Variants in NR3C1 observed in about 807,000 individuals in gnomAD.
The protein encoded by NR3C1 is glucocorticoid receptor.
NR3C1 carries 14 observed loss-of-function variants against 74.0 expected under a neutral mutation model. The observed-to-expected ratio is 0.19, with a 90% CI of 0.12 to 0.30. NR3C1 has a LOEUF of 0.30. NR3C1 is among the 10% of genes least tolerant of loss of function. NR3C1 has a pLI of 1.00. For missense variants in NR3C1, 695 were observed against 909.8 expected (o/e 0.76, Z 3.04); for synonymous variants, 308 against 332.5 (o/e 0.93, Z 0.80).
chr5:143,321,855 G>A (rs920339185), intron 2 of NR3C1, among the ~76,000 whole-genome samples: 1 of 152,206 alleles, frequency 6.6e-6, no homozygotes, highest in Admixed American at 6.5e-5. Flanking sequence ...ACTTTGCACA[G>A]ATGATCCTAT....
intron 2 of NR3C1, among the ~76,000 whole-genome samples, chr5:143,319,952 C>T (rs1487926645): frequency 1.3e-5 from 2 of 152,318 alleles, no homozygotes; most frequent in East Asian, 1.9e-4. Flanking sequence ...ATGGACTATA[C>T]GGCTTAGTTA....
At chr5:143,401,293 C>T (rs1379676728) in intron 1 of NR3C1, 2 of 225,382 alleles carry the variant, frequency 8.9e-6, no homozygotes, top group African/African-American at 4.6e-5. Flanking sequence ...TTTCTGAGAA[C>T]CAATACATAT....
chr5:143,388,278 C>T (rs911724422), intron 2 of NR3C1, among the ~76,000 whole-genome samples: 1 of 152,142 alleles, frequency 6.6e-6, no homozygotes, highest in African/African-American at 2.4e-5. Context: ...AGTCTTAAGG[C>T]TTATTTCTAT....
intron 2 of NR3C1, among the ~76,000 whole-genome samples, chr5:143,359,890 C>T (rs1448592305): frequency 6.6e-6 from 1 of 152,090 alleles, no homozygotes; most frequent in African/African-American, 2.4e-5. Flanking sequence ...TGCACCATAG[C>T]CTGGGCCACA....
chr5:143,347,577 G>C (rs1829531478), intron 2 of NR3C1, among the ~76,000 whole-genome samples: 1 of 152,156 alleles, frequency 6.6e-6, no homozygotes, highest in African/African-American at 2.4e-5. Flanking sequence ...TATAGAACTG[G>C]AGATTGCCAA....
At chr5:143,378,478 C>T (rs548289696) in intron 2 of NR3C1, among the ~76,000 whole-genome samples, 8 of 152,194 alleles carry the variant, frequency 5.3e-5, no homozygotes, top group Admixed American at 2.0e-4. Context: ...AGCTATGGTG[C>T]GGAAAAATTC....
intron 7 of NR3C1, among the ~76,000 whole-genome samples, chr5:143,284,226 A>G (rs1478218747): frequency 6.6e-6 from 1 of 152,066 alleles, no homozygotes; most frequent in Non-Finnish European, 1.5e-5. Flanking sequence ...GATTTCAGGC[A>G]GTAAGTCACC....
intron 4 of NR3C1, among the ~76,000 whole-genome samples, chr5:143,309,845 T>C (rs184592074): frequency 1.3e-5 from 2 of 152,328 alleles, no homozygotes; most frequent in African/African-American, 4.8e-5. Flanking sequence ...TTACATAATT[T>C]CCTTTCTTTG....
At chr5:143,352,524 T>C (rs1830418490) in intron 2 of NR3C1, among the ~76,000 whole-genome samples, 1 of 152,076 alleles carries the variant, frequency 6.6e-6, no homozygotes, top group Non-Finnish European at 1.5e-5. Context: ...ATATGCTGGG[T>C]TTTTTACTTG....
intron 1 of NR3C1, among the ~76,000 whole-genome samples, chr5:143,429,177 T>C (rs1298894735): frequency 6.6e-6 from 1 of 152,190 alleles, no homozygotes; most frequent in Admixed American, 6.5e-5. Flanking sequence ...TCCTCACTTA[T>C]GGTAAGTGCT....
chr5:143,317,678 C>A (rs1054181551), intron 2 of NR3C1, among the ~76,000 whole-genome samples: 6 of 152,108 alleles, frequency 3.9e-5, no homozygotes, highest in African/African-American at 1.4e-4. Context: ...GCAAGCAAAG[C>A]AATTGCTACA....
intron 2 of NR3C1, chr5:143,389,851 G>A (rs903882347): frequency 2.0e-5 from 13 of 636,236 alleles, no homozygotes; most frequent in Non-Finnish European, 2.5e-5. Flanking sequence ...GCAGTGCAGA[G>A]AAAACCTGTT....
At chr5:143,289,029 G>T (rs1599693229) in intron 7 of NR3C1, among the ~76,000 whole-genome samples, 1 of 143,634 alleles carries the variant, frequency 7.0e-6, no homozygotes, top group East Asian at 2.1e-4. Flanking sequence ...CCAAGATCAT[G>T]CCACTGCACT....
intron 2 of NR3C1, among the ~76,000 whole-genome samples, chr5:143,320,547 G>T (rs1181241470): frequency 6.6e-6 from 1 of 152,158 alleles, no homozygotes; most frequent in Admixed American, 6.5e-5. Flanking sequence ...GTAAAACGAA[G>T]GTCTTGATTT....
chr5:143,286,763 C>A (rs1307265324), intron 7 of NR3C1, among the ~76,000 whole-genome samples: 1 of 151,550 alleles, frequency 6.6e-6, no homozygotes, highest in Non-Finnish European at 1.5e-5. Context: ...ATCAACTTGA[C>A]CTAACTGACG....
intron 2 of NR3C1, among the ~76,000 whole-genome samples, chr5:143,319,226 T>A (rs1822816663): frequency 6.6e-6 from 1 of 152,148 alleles, no homozygotes; most frequent in Non-Finnish European, 1.5e-5. Context: ...CTATTGCTAA[T>A]AGGAATGGTA....
chr5:143,401,143 T>C, intron 1 of NR3C1: 1 of 417,884 alleles, frequency 2.4e-6, no homozygotes, highest in Non-Finnish European at 4.4e-6. Context: ...ACTGAACGTG[T>C]AGCTTTGTTA....
upstream of NR3C1, chr5:143,403,882 G>T: frequency 1.0e-6 from 1 of 978,092 alleles, no homozygotes; most frequent in Non-Finnish European, 1.2e-6. Context: ...GCGCCTGCAC[G>T]CCCGCGTCCC....
chr5:143,284,001 A>ACTT (rs1322671734), intron 7 of NR3C1, among the ~76,000 whole-genome samples: 14 of 152,196 alleles, frequency 9.2e-5, no homozygotes, highest in Non-Finnish European at 4.4e-5. Flanking sequence ...CCAAACTGAA[A>ACTT]CTTCACTGCT....
Sources: allele counts gnomAD v4.1 joint callset (sites outside exome capture counted in the v4.1 genomes callset), GRCh38; gene constraint gnomAD v4.1.1; transcripts MANE v1.5; gene names NCBI Gene and HGNC (gene_info 2026-07-23, HGNC 2026-07-21).